APBB1IP: variants seen among roughly 807,000 people sequenced by gnomAD.
The protein encoded by APBB1IP is amyloid beta A4 precursor protein-binding family B member 1-interacting protein.
In APBB1IP, 27 loss-of-function variants were observed where a neutral mutation model predicts 64.9. The observed-to-expected ratio is 0.42, with a 90% CI of 0.31 to 0.57. The LOEUF (loss-of-function observed/expected upper bound fraction) is 0.57. APBB1IP is among the 20% of genes least tolerant of loss of function. The pLI is 0.20. For synonymous variants in APBB1IP, 392 were observed against 331.0 expected, an observed-to-expected ratio of 1.18 and a Z score of -2.00; for missense variants, 812 against 845.5, an observed-to-expected ratio of 0.96 and a Z score of 0.49.
At position 26,477,939 on chromosome 10, in the gene APBB1IP, G is replaced by A. The variant is rs529313928; in HGVS notation, c.1-14388G>A. 2.3e-3 allele frequency among the ~76,000 whole-genome samples: 351 copies of A among 152,206 alleles called. 3 individuals carry two copies. The highest frequency in any genetic ancestry group is 7.1e-3 in the African/African-American group (293 of 41,526). The stretch of plus-strand genomic sequence containing the variant: ...GGGATCATGCTGTGTCGCCCAGGCT[G>A]GTAGTTTTTTAAATTTATCCATTTA... On this transcript the variant is annotated intron_variant, in intron 2 of 14. Coordinates refer to ENST00000376236, the MANE Select transcript of APBB1IP (RefSeq NM_019043.4).
intron 2 of APBB1IP, among the ~76,000 whole-genome samples, chr10:26,480,898 C>A (rs1835827360): frequency 6.6e-6 from 1 of 151,972 alleles, no homozygotes; most frequent in African/African-American, 2.4e-5. Context: ...ACTTTTGTTT[C>A]TAAAAAGAAA....
At chr10:26,484,009 G>A (rs1564357538) in intron 2 of APBB1IP, among the ~76,000 whole-genome samples, 1 of 152,106 alleles carries the variant, frequency 6.6e-6, no homozygotes, top group African/African-American at 2.4e-5. Context: ...TAAAGACTAA[G>A]CATAACTAAA....
At chr10:26,481,332 C>T (rs1835832187) in intron 2 of APBB1IP, among the ~76,000 whole-genome samples, 1 of 152,018 alleles carries the variant, frequency 6.6e-6, no homozygotes. Flanking sequence ...CAGAGTGTCC[C>T]CACCTTGTCC....
At chr10:26,497,927 A>G (rs968166003) in intron 4 of APBB1IP, among the ~76,000 whole-genome samples, 1 of 151,838 alleles carries the variant, frequency 6.6e-6, no homozygotes, top group African/African-American at 2.4e-5. Flanking sequence ...GGGTTTTGCC[A>G]TGTTGGCTAG....
At chr10:26,562,600 C>A (rs916487723) in intron 14 of APBB1IP, among the ~76,000 whole-genome samples, 171 bp downstream of exon 14, 20 of 151,726 alleles carry the variant, frequency 1.3e-4, no homozygotes, top group Admixed American at 3.9e-4. Context: ...CAGTTTGAGA[C>A]CAGACTGGGC....
At chr10:26,538,169 T>A (rs531405434) in intron 10 of APBB1IP, among the ~76,000 whole-genome samples, 1 of 152,170 alleles carries the variant, frequency 6.6e-6, no homozygotes, top group South Asian at 2.1e-4. Flanking sequence ...ACTAAGAAAG[T>A]TTTTCTTTAC....
intron 2 of APBB1IP, among the ~76,000 whole-genome samples, chr10:26,471,289 C>A (rs1835712441): frequency 1.3e-5 from 2 of 152,106 alleles, no homozygotes. Context: ...AAAATAGAGA[C>A]CCCCACACTG....
chr10:26,539,259 A>C (rs1169295413), intron 10 of APBB1IP, among the ~76,000 whole-genome samples: 6 of 152,152 alleles, frequency 3.9e-5, no homozygotes, highest in Non-Finnish European at 5.9e-5. Context: ...AAAGGAATAA[A>C]AAAATTAGTG....
At chr10:26,494,304 G>T (rs1012886246) in intron 3 of APBB1IP, among the ~76,000 whole-genome samples, 2 of 152,198 alleles carry the variant, frequency 1.3e-5, no homozygotes, top group Non-Finnish European at 2.9e-5. Context: ...GCCCTAAGTG[G>T]CAGGGGCCAC....
In APBB1IP at chr10:26,566,985, C is replaced by T. The variant is rs1461986600; in HGVS notation, c.1498C>T (p.His500Tyr). The part of the protein sequence containing the change: ...SKDKKPALGN[H>Y]HDPAVPRAPH... ...GGATAAGAAGCCAGCCCTCGGGAAC[C>T]ACCACGACCCGGCAGTGCCCCGGGC... The change falls in exon 15 of 15, where the codon CAC becomes TAC. Residue 500 changes from histidine to tyrosine, a missense_variant. This residue lies in a region of APBB1IP where 381 missense variants were observed against 352.1 expected (regional missense o/e 1.08). Transcript: ENST00000376236. 6.3e-7 allele frequency: 1 copy of T among 1,581,692 alleles called. No homozygotes were observed. Among genetic ancestry groups the T allele is most frequent in the Non-Finnish European group, 8.5e-7 (1 of 1,172,724 alleles).
At chr10:26,465,712 C>T (rs956071001) in intron 2 of APBB1IP, among the ~76,000 whole-genome samples, 2 of 152,186 alleles carry the variant, frequency 1.3e-5, no homozygotes, top group African/African-American at 4.8e-5. Context: ...TTGACATAAA[C>T]ATGTCATTCA....
chr10:26,510,898 C>G (rs1258977798), intron 6 of APBB1IP, among the ~76,000 whole-genome samples: 1 of 152,046 alleles, frequency 6.6e-6, no homozygotes, highest in Admixed American at 6.5e-5. Flanking sequence ...CTCAGTGGGG[C>G]CCCCTCAGTG....
intron 11 of APBB1IP, among the ~76,000 whole-genome samples, chr10:26,557,159 G>C (rs1282849234): frequency 1.3e-5 from 2 of 152,208 alleles, no homozygotes; most frequent in Non-Finnish European, 2.9e-5. Flanking sequence ...CATTATTGGA[G>C]TAACATTTGC....
intron 8 of APBB1IP, among the ~76,000 whole-genome samples, chr10:26,516,876 C>T (rs1354214382): frequency 6.6e-6 from 1 of 152,058 alleles, no homozygotes; most frequent in Non-Finnish European, 1.5e-5. Flanking sequence ...GAGGGCATCA[C>T]CAGAAGATAT....
chr10:26,548,066 G>T (rs1193951157), intron 11 of APBB1IP, among the ~76,000 whole-genome samples: 1 of 152,170 alleles, frequency 6.6e-6, no homozygotes, highest in African/African-American at 2.4e-5. Flanking sequence ...TTTGAAATCA[G>T]TTTGTGACTC....
intron 4 of APBB1IP, among the ~76,000 whole-genome samples, chr10:26,500,595 G>A (rs559582489): frequency 1.3e-5 from 2 of 152,280 alleles, no homozygotes; most frequent in African/African-American, 2.4e-5. Flanking sequence ...TTTTCTTGGT[G>A]TTAGAAACTC....
intron 14 of APBB1IP, among the ~76,000 whole-genome samples, chr10:26,566,016 TC>T (rs1241102629): frequency 6.6e-6 from 1 of 152,238 alleles, no homozygotes; most frequent in East Asian, 1.9e-4. Context: ...CATATTTATA[TC>T]AGTGCTCTAA....
At chr10:26,539,488 G>A in intron 10 of APBB1IP, among the ~76,000 whole-genome samples, 1 of 151,226 alleles carries the variant, frequency 6.6e-6, no homozygotes. Flanking sequence ...GGAAGGGAGG[G>A]AAGGAAGGAA....
At chr10:26,481,745 C>T (rs532563578) in intron 2 of APBB1IP, among the ~76,000 whole-genome samples, 5 of 152,132 alleles carry the variant, frequency 3.3e-5, no homozygotes, top group Non-Finnish European at 5.9e-5. Flanking sequence ...ACCTCTGCCT[C>T]CCAAAGTGCT....
Sources: allele counts gnomAD v4.1 joint callset (sites outside exome capture counted in the v4.1 genomes callset), GRCh38; gene constraint gnomAD v4.1.1; regional missense constraint gnomAD v4.1.1; transcripts MANE v1.5; gene names NCBI Gene and HGNC (gene_info 2026-07-23, HGNC 2026-07-21).